CREB1: variants seen among roughly 807,000 people sequenced by gnomAD.
CREB1 encodes the protein cAMP responsive element binding protein 1.
CREB1 carries 2 observed loss-of-function variants against 42.0 expected under a neutral mutation model. The ratio of observed to expected loss-of-function variants is 0.05; its 90% CI spans 0.02 to 0.15. The LOEUF (loss-of-function observed/expected upper bound fraction) is 0.15, where lower values mean the gene tolerates loss of function less well. CREB1 is among the 10% of genes least tolerant of loss of function. CREB1 has a pLI of 1.00. For synonymous variants in CREB1, 123 were observed against 139.9 expected (o/e 0.88, Z 0.85); for missense variants, 199 against 388.9 (o/e 0.51, Z 4.11).
chr2:207,535,377 GCTTTCTTT>G (rs2080825415), intron 1 of CREB1, among the ~76,000 whole-genome samples: 1 of 151,896 alleles, frequency 6.6e-6, no homozygotes, highest in Admixed American at 6.6e-5. Context: ...GGTTTTTATA[GCTTTCTTT>G]CTTAATGAGA....
At chr2:207,549,429 TAAAAA>T (rs370054280) in intron 1 of CREB1, among the ~76,000 whole-genome samples, 3 of 147,408 alleles carry the variant, frequency 2.0e-5, no homozygotes, top group African/African-American at 7.5e-5. Context: ...CTCCCCCGCT[TAAAAA>T]AAAAAGGTGC....
At position 207,548,569 on chromosome 2, in the gene CREB1, GGTGAAACCCT is replaced by G. The variant is rs202105554; in HGVS notation, c.-8-7056_-8-7047del. 4.7e-3 allele frequency among the ~76,000 whole-genome samples: 717 copies of G among 152,170 alleles called. 2 individuals are homozygous for G. Among genetic ancestry groups the G allele is most frequent in the Non-Finnish European group, 7.1e-3 (485 of 68,016 alleles). ...AGTTTGAGACCAGCGTGGCCAACAT[GGTGAAACCCT>G]GTCTCTACTAAAAATACAAAAATTA... On this transcript the variant is annotated intron_variant, in intron 1 of 7. Transcript: ENST00000353267.
At position 207,555,774 on chromosome 2, in the gene CREB1, A is replaced by G. The variant is rs754188420; in HGVS notation, c.114+25A>G. 10 of 1,443,388 alleles carry G rather than the reference A, an allele frequency of 6.9e-6. No homozygotes were observed. The South Asian group carries it at 1.2e-4, about 17-fold the overall frequency. The allele number at this position is 1,443,388 out of a possible 1,614,324, so 89.4% of individuals were successfully genotyped here. A position where few individuals can be genotyped will look rare whatever the true frequency, so the allele number is the denominator to read the frequency against. On this transcript the variant is annotated intron_variant, in intron 2 of 7. Transcript: ENST00000353267. ...GGTATAAAATACATGGAGAGATTCC[A>G]GTTTGTGTCTCTTCCTAGAGGAATA...
chr2:207,530,611 C>A (rs1304576211), intron 1 of CREB1, among the ~76,000 whole-genome samples: 1 of 148,612 alleles, frequency 6.7e-6, no homozygotes, highest in Non-Finnish European at 1.5e-5. Context: ...CGCCCCCGGC[C>A]CGACCCGGCC....
intron 5 of CREB1, among the ~76,000 whole-genome samples, chr2:207,572,998 T>G (rs1392519135): frequency 6.6e-6 from 1 of 152,248 alleles, no homozygotes; most frequent in African/African-American, 2.4e-5. Flanking sequence ...TTAGTGATTC[T>G]GCTCTTAGAT....
chr2:207,581,695 A>AC (rs2082978498), intron 7 of CREB1: 1 of 568,752 alleles, frequency 1.8e-6, no homozygotes, highest in Non-Finnish European at 3.1e-6. Flanking sequence ...TAATCTTAGT[A>AC]TATTACATAA....
intron 2 of CREB1, among the ~76,000 whole-genome samples, chr2:207,558,307 C>G (rs2081814099): frequency 6.6e-6 from 1 of 152,168 alleles, no homozygotes; most frequent in South Asian, 2.1e-4. Flanking sequence ...GTAGTTTCAT[C>G]ATCTTCCATT....
At chr2:207,559,588 C>G (rs1457734197) in intron 2 of CREB1, among the ~76,000 whole-genome samples, 1 of 152,090 alleles carries the variant, frequency 6.6e-6, no homozygotes, top group South Asian at 2.1e-4. Context: ...AGCATAGGAG[C>G]AATAAATAAC....
chr2:207,582,932 C>A, intron 7 of CREB1: 1 of 217,878 alleles, frequency 4.6e-6, no homozygotes, highest in Non-Finnish European at 9.5e-6. Context: ...TATATATATA[C>A]ATACACACAC....
At chr2:207,547,935 T>A (rs1331217189) in intron 1 of CREB1, among the ~76,000 whole-genome samples, 1 of 152,078 alleles carries the variant, frequency 6.6e-6, no homozygotes, top group South Asian at 2.1e-4. Flanking sequence ...AGATGATTTT[T>A]TTTTTTTTAA....
intron 7 of CREB1, among the ~76,000 whole-genome samples, chr2:207,596,443 G>GT (rs1315358972): frequency 1.3e-5 from 2 of 150,578 alleles, no homozygotes; most frequent in African/African-American, 4.9e-5. Flanking sequence ...TTTTTTGTTT[G>GT]TTTCTTTGAG....
chr2:207,580,185 C>T (rs2082805240), intron 7 of CREB1, among the ~76,000 whole-genome samples: 1 of 152,096 alleles, frequency 6.6e-6, no homozygotes, highest in Non-Finnish European at 1.5e-5. Flanking sequence ...TGCCAAAGGT[C>T]ACACACTTTA....
rs2086309633 is a variant in CREB1, at chr2:207,597,120, A to G, written c.*62A>G. ...TGGACTGGCTTGGCCACAACCTGAAAGACAAAATAAACATTTTATTTTCTA... is the reference window on the plus strand; with the variant it reads ...TGGACTGGCTTGGCCACAACCTGAAGGACAAAATAAACATTTTATTTTCTA... On this transcript the variant is annotated 3_prime_UTR_variant, in exon 8 of 8. Transcript: ENST00000353267. 1 of 1,483,552 alleles carries G rather than the reference A, an allele frequency of 6.7e-7. No homozygotes were observed. Among genetic ancestry groups the G allele is most frequent in the African/African-American group, 1.5e-5 (1 of 68,448 alleles). The allele number at this position is 1,483,552 out of a possible 1,614,324, so 91.9% of individuals were successfully genotyped here. A position where few individuals can be genotyped will look rare whatever the true frequency, so the allele number is the denominator to read the frequency against.
At chr2:207,536,995 T>C (rs1020696555) in intron 1 of CREB1, among the ~76,000 whole-genome samples, 1 of 151,246 alleles carries the variant, frequency 6.6e-6, no homozygotes, top group Non-Finnish European at 1.5e-5. Flanking sequence ...ATCTCATAAA[T>C]AAAATATTAC....
intron 3 of CREB1, among the ~76,000 whole-genome samples, chr2:207,561,522 G>A (rs2081956934): frequency 6.6e-6 from 1 of 151,896 alleles, no homozygotes; most frequent in African/African-American, 2.4e-5. Flanking sequence ...AGTGATCCCG[G>A]GTAAACACAG....
intron 1 of CREB1, among the ~76,000 whole-genome samples, chr2:207,539,432 C>G (rs1417005393): frequency 6.6e-6 from 1 of 152,022 alleles, no homozygotes; most frequent in African/African-American, 2.4e-5. Flanking sequence ...GACACCTTGA[C>G]TTTATGTATT....
In CREB1 at chr2:207,582,934, T is replaced by C. The variant is rs533601150; in HGVS notation, c.839+5279T>C. 128 of 225,272 alleles carry C rather than the reference T, an allele frequency of 5.7e-4. 1 individual carries two copies. The highest frequency in any genetic ancestry group is 2.9e-3 in the African/African-American group (124 of 42,672). 14.0% of individuals were successfully genotyped at this position (225,272 alleles called of 1,614,324 possible). On this transcript the variant is annotated intron_variant, in intron 7 of 7. Transcript: ENST00000353267. ...ACAAAAAAAAATATATATATATACA[T>C]ACACACACACATACACCTTCATATA... is the stretch of plus-strand genomic sequence containing the variant.
intron 1 of CREB1, among the ~76,000 whole-genome samples, chr2:207,546,795 A>G (rs750343859): frequency 2.0e-5 from 3 of 152,014 alleles, no homozygotes; most frequent in Admixed American, 6.6e-5. Context: ...TGTTGCCTGC[A>G]TGCCATTTGT....
chr2:207,540,016 A>C (rs1422739856), intron 1 of CREB1, among the ~76,000 whole-genome samples: 2 of 152,202 alleles, frequency 1.3e-5, no homozygotes, highest in Non-Finnish European at 2.9e-5. Context: ...TTGGGCTGAA[A>C]TGTAGATTTC....
Sources: allele counts gnomAD v4.1 joint callset (sites outside exome capture counted in the v4.1 genomes callset), GRCh38; gene constraint gnomAD v4.1.1; transcripts MANE v1.5; gene names NCBI Gene and HGNC (gene_info 2026-07-23, HGNC 2026-07-21).